PDIA5: variants seen among roughly 807,000 people sequenced by gnomAD.
PDIA5 encodes protein disulfide-isomerase A5.
Under a neutral mutation model 77.6 loss-of-function variants are expected in PDIA5, and 58 were observed. The observed-to-expected ratio is 0.75, with a 90% confidence interval of 0.61 to 0.93. PDIA5 has a LOEUF of 0.93. Among genes scored for constraint, PDIA5 ranks in the 40% least tolerant of loss-of-function variants. The pLI is 0.00. For missense variants in PDIA5, 630 were observed against 647.7 expected (o/e 0.97, Z 0.30); for synonymous variants, 250 against 252.1 (o/e 0.99, Z 0.08).
chr3:123,133,537 G>C (rs190828080), intron 11 of PDIA5, among the ~76,000 whole-genome samples: 28 of 152,324 alleles, frequency 1.8e-4, no homozygotes, highest in Non-Finnish European at 3.7e-4. Flanking sequence ...AAAATGAGTT[G>C]CTGTTTTCCT....
intron 6 of PDIA5, among the ~76,000 whole-genome samples, chr3:123,108,885 C>CAAAAAAAAA (rs375336044): frequency 6.6e-6 from 1 of 151,176 alleles, no homozygotes; most frequent in African/African-American, 2.4e-5. Flanking sequence ...GACTCCTTCT[C>CAAAAAAAAA]AAAAAAAAGC....
At chr3:123,140,480 T>C (rs1230639232) in intron 11 of PDIA5, among the ~76,000 whole-genome samples, 1 of 152,190 alleles carries the variant, frequency 6.6e-6, no homozygotes, top group Non-Finnish European at 1.5e-5. Context: ...ATAAGAAGTA[T>C]TTTGTAATTA....
At chr3:123,159,079 C>G (rs1936089647) in intron 15 of PDIA5, among the ~76,000 whole-genome samples, 1 of 152,220 alleles carries the variant, frequency 6.6e-6, no homozygotes, top group African/African-American at 2.4e-5. Context: ...TAAAACCATA[C>G]ACTATATTTC....
intron 16 of PDIA5, 91 bp from the exon 17 acceptor site, chr3:123,161,789 C>A: frequency 1.1e-6 from 1 of 871,140 alleles, no homozygotes; most frequent in Non-Finnish European, 1.9e-6. Context: ...GAGTGACCCC[C>A]TGGAGGGGCT....
chr3:123,154,682 G>A (rs557166813), intron 14 of PDIA5, among the ~76,000 whole-genome samples: 5 of 152,132 alleles, frequency 3.3e-5, no homozygotes, highest in South Asian at 4.1e-4. Flanking sequence ...GCTGTTCCTC[G>A]TCCTCTGTGG....
At chr3:123,075,905 G>A (rs1262866962) in intron 1 of PDIA5, among the ~76,000 whole-genome samples, 4 of 152,168 alleles carry the variant, frequency 2.6e-5, no homozygotes, top group Admixed American at 1.3e-4. Flanking sequence ...TTTGCCAGCC[G>A]AGGTGGGTGC....
intron 2 of PDIA5, among the ~76,000 whole-genome samples, chr3:123,092,056 AT>A (rs1934302736): frequency 6.6e-6 from 1 of 152,200 alleles, no homozygotes; most frequent in Admixed American, 6.5e-5. Context: ...TGGCTGAGAG[AT>A]TCTTGGAATA....
At chr3:123,129,052 A>G (rs1282461026) in intron 10 of PDIA5, among the ~76,000 whole-genome samples, 1 of 101,826 alleles carries the variant, frequency 9.8e-6, no homozygotes, top group African/African-American at 3.5e-5. Context: ...CCGTCCTTCC[A>G]ATTTTCGCTA....
At chr3:123,116,467 T>A (rs1318620014) in intron 8 of PDIA5, among the ~76,000 whole-genome samples, 169 bp downstream of exon 8, 1 of 152,214 alleles carries the variant, frequency 6.6e-6, no homozygotes, top group African/African-American at 2.4e-5. Flanking sequence ...ACCTGTTCTC[T>A]GTGAAGGTTG....
chr3:123,084,068 T>C (rs1934075632), intron 1 of PDIA5, among the ~76,000 whole-genome samples: 2 of 152,068 alleles, frequency 1.3e-5, no homozygotes, highest in African/African-American at 2.4e-5. Context: ...GGACCCCATC[T>C]CCCTGGATTC....
chr3:123,091,310 A>T (rs566756189), intron 2 of PDIA5, among the ~76,000 whole-genome samples: 2 of 152,208 alleles, frequency 1.3e-5, no homozygotes, highest in Non-Finnish European at 2.9e-5. Flanking sequence ...GCGGAGGCAC[A>T]TAATTCAGAC....
chr3:123,139,296 C>T (rs1935570866), intron 11 of PDIA5, among the ~76,000 whole-genome samples: 1 of 152,206 alleles, frequency 6.6e-6, no homozygotes, highest in South Asian at 2.1e-4. Context: ...GGAGGCTGGT[C>T]CTCAGGTCAC....
At chr3:123,147,682 T>C (rs1935800265) in intron 13 of PDIA5, among the ~76,000 whole-genome samples, 1 of 152,216 alleles carries the variant, frequency 6.6e-6, no homozygotes, top group African/African-American at 2.4e-5. Context: ...ATTTGGAAAG[T>C]AGCTAGGCCT....
Position 123,161,573 on chromosome 3 carries a change from A to G in PDIA5, c.1479+118A>G. The G allele has an allele frequency of 2.6e-6, 3 of 1,142,928 alleles. No homozygotes were observed. The East Asian group carries it at 7.1e-5, about 27-fold the overall frequency. The allele number at this position is 1,142,928 out of a possible 1,614,324, so 70.8% of individuals were successfully genotyped here. ...AGAAACTGCAGAAGTCAGCTGGAAC[A>G]CTGCACCGAGAGGCCCAGGCCCTGG... On this transcript the variant is annotated intron_variant, in intron 16 of 16. Transcript: ENST00000316218.
At chr3:123,116,711 T>A (rs1935004572) in intron 8 of PDIA5, among the ~76,000 whole-genome samples, 1 of 151,870 alleles carries the variant, frequency 6.6e-6, no homozygotes, top group African/African-American at 2.4e-5. Flanking sequence ...ACCAGAAGCA[T>A]AAAGGGGGCT....
At chr3:123,119,150 G>T (rs1257382954) in intron 8 of PDIA5, among the ~76,000 whole-genome samples, 2 of 152,164 alleles carry the variant, frequency 1.3e-5, no homozygotes, top group Non-Finnish European at 2.9e-5. Context: ...TAGCTACTTG[G>T]GAGGCTGAGG....
intron 2 of PDIA5, among the ~76,000 whole-genome samples, chr3:123,091,502 C>T (rs952491224): frequency 3.3e-5 from 5 of 152,188 alleles, no homozygotes; most frequent in African/African-American, 1.2e-4. Context: ...AGCCACTTTG[C>T]AGTGGATCAT....
chr3:123,068,269 A>G (rs1358213428), intron 1 of PDIA5, among the ~76,000 whole-genome samples: 15 of 152,120 alleles, frequency 9.9e-5, no homozygotes, highest in African/African-American at 3.4e-4. Flanking sequence ...CACTGGGCAA[A>G]TGGGAGGAGA....
At chr3:123,078,642 C>T (rs1396964584) in intron 1 of PDIA5, among the ~76,000 whole-genome samples, 1 of 152,154 alleles carries the variant, frequency 6.6e-6, no homozygotes, top group Non-Finnish European at 1.5e-5. Context: ...AAGACATTCT[C>T]TTATGTAACC....
Sources: gnomAD v4.1 joint callset for allele counts (sites outside exome capture counted in the v4.1 genomes callset) on GRCh38, gnomAD v4.1.1 for gene constraint, MANE v1.5 for transcripts, NCBI Gene and HGNC (gene_info 2026-07-23, HGNC 2026-07-21) for gene names.